Variants in CDH12 observed in about 807,000 individuals in gnomAD.
CDH12 encodes the protein cadherin 12, also known as cadherin-12.
In CDH12, 41 loss-of-function variants were observed where a neutral mutation model predicts 74.1. The ratio of observed to expected loss-of-function variants is 0.55; its 90% confidence interval spans 0.43 to 0.72. The LOEUF (loss-of-function observed/expected upper bound fraction) is 0.72, where lower values mean the gene tolerates loss of function less well. Among genes scored for constraint, CDH12 ranks in the 30% least tolerant of loss-of-function variants. The probability of loss-of-function intolerance (pLI) is 0.00; values close to 1 mark genes in which losing one functional copy is unlikely to be tolerated. For missense variants in CDH12, 945 were observed against 977.2 expected (o/e 0.97, Z 0.44); for synonymous variants, 399 against 355.0 (o/e 1.12, Z -1.39).
intron 6 of CDH12, among the ~76,000 whole-genome samples, chr5:21,927,420 C>T (rs1013193810): frequency 6.6e-5 from 3 of 45,694 alleles, no homozygotes; most frequent in African/African-American, 1.2e-4. Flanking sequence ...CCTGTCTCTA[C>T]TAAAAATAAA....
At chr5:22,766,413 G>A (rs553565288) in intron 1 of CDH12, among the ~76,000 whole-genome samples, 16 of 152,130 alleles carry the variant, frequency 1.1e-4, no homozygotes, top group East Asian at 7.7e-4. Flanking sequence ...CAGTGAAAAC[G>A]CATGAAACCA....
chr5:22,192,507 AAGG>A (rs1453546316), intron 4 of CDH12, among the ~76,000 whole-genome samples: 1 of 152,114 alleles, frequency 6.6e-6, no homozygotes, highest in Non-Finnish European at 1.5e-5. Flanking sequence ...GAAGAATAAG[AAGG>A]AGAAGAGCAG....
At chr5:22,513,682 T>G (rs989045605) in intron 1 of CDH12, among the ~76,000 whole-genome samples, 2 of 152,110 alleles carry the variant, frequency 1.3e-5, no homozygotes, top group African/African-American at 4.8e-5. Flanking sequence ...GCATGGTGGC[T>G]CACGCCTGTA....
At chr5:22,043,667 G>T (rs1739728097) in intron 5 of CDH12, among the ~76,000 whole-genome samples, 2 of 150,068 alleles carry the variant, frequency 1.3e-5, no homozygotes, top group Admixed American at 6.6e-5. Flanking sequence ...GTTTGCAGAT[G>T]ACATGATCTT....
intron 6 of CDH12, among the ~76,000 whole-genome samples, chr5:21,916,493 T>C (rs567413980): frequency 1.5e-5 from 2 of 133,462 alleles, no homozygotes; most frequent in Admixed American, 1.7e-4. Context: ...TGTCAAAACT[T>C]CATTTTCATT....
chr5:22,344,772 A>G (rs895284322), intron 3 of CDH12, among the ~76,000 whole-genome samples: 4 of 152,214 alleles, frequency 2.6e-5, no homozygotes, highest in African/African-American at 9.6e-5. Context: ...GTAAGTGTAC[A>G]GATGCATCAT....
At chr5:22,574,802 A>C (rs2126771799) in intron 1 of CDH12, among the ~76,000 whole-genome samples, 1 of 152,264 alleles carries the variant, frequency 6.6e-6, no homozygotes, top group East Asian at 1.9e-4. Context: ...CATACCTGTT[A>C]GCATTTGATA....
intron 4 of CDH12, among the ~76,000 whole-genome samples, chr5:22,150,923 CA>C (rs1747533517): frequency 6.6e-6 from 1 of 152,226 alleles, no homozygotes; most frequent in Non-Finnish European, 1.5e-5. Flanking sequence ...GCTCCCTCCA[CA>C]AGGCACTATT....
At chr5:22,529,186 T>TAC (rs1468255213) in intron 1 of CDH12, among the ~76,000 whole-genome samples, 4 of 69,514 alleles carry the variant, frequency 5.8e-5, no homozygotes, top group Non-Finnish European at 9.2e-5. Flanking sequence ...TATATATATA[T>TAC]ATAGAGAGAG....
chr5:22,322,952 A>T (rs1738945827), intron 3 of CDH12, among the ~76,000 whole-genome samples: 1 of 152,176 alleles, frequency 6.6e-6, no homozygotes, highest in Non-Finnish European at 1.5e-5. Context: ...AATCCTTATC[A>T]ATCACCCTAA....
At chr5:22,059,336 CATCTATCT>C (rs58259827) in intron 5 of CDH12, among the ~76,000 whole-genome samples, 12,144 of 143,850 alleles carry the variant, frequency 0.084, 578 homozygotes, top group East Asian at 0.18. Flanking sequence ...GTCTATCTAT[CATCTATCT>C]ATCTATCTAT....
chr5:21,797,940 T>C (rs1178211713), intron 10 of CDH12, among the ~76,000 whole-genome samples: 2 of 152,178 alleles, frequency 1.3e-5, no homozygotes, highest in Non-Finnish European at 2.9e-5. Context: ...ACATAGCATG[T>C]TCTCTACTCT....
At chr5:22,581,993 G>A (rs556020471) in intron 1 of CDH12, among the ~76,000 whole-genome samples, 4 of 151,954 alleles carry the variant, frequency 2.6e-5, no homozygotes, top group Non-Finnish European at 4.4e-5. Context: ...TGTAACTCAC[G>A]GCACATTTTA....
intron 1 of CDH12, among the ~76,000 whole-genome samples, chr5:22,606,251 T>C (rs1344917620): frequency 2.0e-5 from 3 of 152,180 alleles, no homozygotes; most frequent in Non-Finnish European, 2.9e-5. Context: ...CAGTTGATCA[T>C]GTGCTGTGAA....
intron 1 of CDH12, among the ~76,000 whole-genome samples, chr5:22,716,216 A>C (rs1191645079): frequency 1.3e-5 from 2 of 152,164 alleles, no homozygotes; most frequent in Admixed American, 1.3e-4. Context: ...AAGTAAACCC[A>C]AAATATTAAC....
intron 1 of CDH12, among the ~76,000 whole-genome samples, chr5:22,815,843 C>T (rs893060986): frequency 4.1e-5 from 6 of 147,792 alleles, no homozygotes; most frequent in Non-Finnish European, 6.0e-5. Context: ...AAGAGAGCCT[C>T]TAAGGGGAAA....
At chr5:21,952,716 T>C (rs1245481786) in intron 6 of CDH12, among the ~76,000 whole-genome samples, 1 of 152,000 alleles carries the variant, frequency 6.6e-6, no homozygotes, top group South Asian at 2.1e-4. Context: ...AGCATTTGAA[T>C]GAATAAAATA....
rs1281795477 is a variant in CDH12, at chr5:21,783,375, A to G, written c.1376T>C (p.Ile459Thr). 1 of 1,613,036 alleles carries G rather than the reference A, an allele frequency of 6.2e-7. No homozygotes were observed. The highest frequency in any genetic ancestry group is 1.3e-5 in the African/African-American group (1 of 74,878). Residue 459 changes from isoleucine (I) to threonine (T), a missense_variant, in exon 11 of 15, where the codon ATA becomes ACA. This residue lies in a region of CDH12 where 791 missense variants were observed against 792.8 expected (regional missense o/e 1.00). Transcript: ENST00000382254. ...RESTAQYNFS[I>T]IASKVSNPLL... Reference sequence around the variant, plus strand: ...ATACTTACTAACTTTACTCGCAATTATGGAGAAATTATACTGCGCAGTGCT... The same window carrying G: ...ATACTTACTAACTTTACTCGCAATTGTGGAGAAATTATACTGCGCAGTGCT...
chr5:21,785,264 C>G (rs539874336), intron 10 of CDH12, among the ~76,000 whole-genome samples: 17 of 152,298 alleles, frequency 1.1e-4, no homozygotes, highest in African/African-American at 4.1e-4. Context: ...ATTCCCCCAT[C>G]TGTCTCCTGC....
Sources: gnomAD v4.1 joint callset for allele counts (sites outside exome capture counted in the v4.1 genomes callset) on GRCh38, gnomAD v4.1.1 for gene constraint, gnomAD v4.1.1 regional missense constraint, MANE v1.5 for transcripts, NCBI Gene and HGNC (gene_info 2026-07-23, HGNC 2026-07-21) for gene names.